The following ZNF718 variants were observed in gnomAD, a reference collection of about 807,000 sequenced individuals.
The protein encoded by ZNF718 is zinc finger protein 718.
Under a neutral mutation model 2.6 loss-of-function variants are expected in ZNF718, and 3 were observed. The observed-to-expected ratio is 1.16, with a 90% CI of 0.53 to 3.01. The LOEUF (loss-of-function observed/expected upper bound fraction) is 3.01, where lower values mean the gene tolerates loss of function less well. Among genes scored for constraint, ZNF718 ranks in the 30% most tolerant of loss-of-function variants. ZNF718 has a pLI of 0.03. For missense variants in ZNF718, 468 were observed against 230.0 expected (o/e 2.03, Z -6.69); for synonymous variants, 135 against 77.9 (o/e 1.73, Z -3.86).
At chr4:202,244 A>G (rs1553822883) in exon 5 of ZNF718, 1 of 152,196 alleles carries the variant, frequency 6.6e-6, no homozygotes, top group East Asian at 1.9e-4. Flanking sequence ...TTCTGACATG[A>G]TTGAGAGGCC....
rs1438661889 is a variant in ZNF718 at position 160,982 on chromosome 4, A to G, written c.297A>G (p.Ile99Met). The G allele has an allele frequency of 5.1e-6, 4 of 780,900 alleles. No individual in the cohort carries two copies. In the Admixed American group the frequency reaches 6.8e-5, roughly 13 times the overall value. 48.4% of individuals were successfully genotyped at this position (780,900 alleles called of 1,614,324 possible). A position where few individuals can be genotyped will look rare whatever the true frequency, so the allele number is the denominator to read the frequency against. Residue 99 changes from isoleucine to methionine, a missense_variant, in exon 4 of 4, where the codon ATA (isoleucine) becomes ATG (methionine). Ile to Met is a conservative substitution (Grantham distance 10). Transcript: ENST00000510175. ...QGIEDSFHKL[I>M]PKGHEKRGHE... is the part of the protein sequence containing the mutation. ...TAGAAGATTCATTCCACAAACTTAT[A>G]CCAAAAGGACATGAGAAACGTGGAC...
intron 3 of ZNF718, among the ~76,000 whole-genome samples, chr4:193,168 A>G (rs532006073): frequency 2.0e-5 from 3 of 152,180 alleles, no homozygotes; most frequent in East Asian, 1.9e-4. Flanking sequence ...GGGTCCTTCT[A>G]TAAGTATTTC....
chr4:174,321 C>A (rs1480173515), intron 3 of ZNF718, among the ~76,000 whole-genome samples: 1 of 152,134 alleles, frequency 6.6e-6, no homozygotes, highest in Non-Finnish European at 1.5e-5. Flanking sequence ...AACAACCTCC[C>A]CATCCTGCAA....
intron 3 of ZNF718, among the ~76,000 whole-genome samples, chr4:184,318 T>TGGTTTA (rs1717523274): frequency 1.3e-5 from 2 of 152,132 alleles, no homozygotes; most frequent in African/African-American, 4.8e-5. Flanking sequence ...ATATATCGAT[T>TGGTTTA]TGTGTATGTT....
At chr4:151,359 G>A (rs1716313983) in intron 3 of ZNF718, among the ~76,000 whole-genome samples, 1 of 152,100 alleles carries the variant, frequency 6.6e-6, no homozygotes, top group African/African-American at 2.4e-5. Flanking sequence ...GCCCAGTTTG[G>A]CCTCCCAAAG....
downstream of ZNF718, among the ~76,000 whole-genome samples, chr4:165,578 A>T (rs189729152): frequency 1.7e-3 from 261 of 152,248 alleles, no homozygotes; most frequent in African/African-American, 5.8e-3. Flanking sequence ...GTGGGTGGAT[A>T]ACCTGAGGTC....
intron 3 of ZNF718, among the ~76,000 whole-genome samples, chr4:145,795 C>CTTTAT (rs1245014187): frequency 1.3e-5 from 2 of 151,970 alleles, no homozygotes; most frequent in Non-Finnish European, 2.9e-5. Flanking sequence ...TTTGTGAGAT[C>CTTTAT]TTTATTTTAT....
chr4:174,127 TGCCCTAGGG>T (rs1282440744), intron 3 of ZNF718, among the ~76,000 whole-genome samples: 1 of 152,152 alleles, frequency 6.6e-6, no homozygotes, highest in Non-Finnish European at 1.5e-5. Context: ...CCTCACCCTT[TGCCCTAGGG>T]TAAGGACAGC....
intron 1 of ZNF718, 44 bp downstream of exon 1, chr4:124,717 T>C: frequency 6.2e-7 from 1 of 1,605,832 alleles, no homozygotes; most frequent in East Asian, 2.2e-5. Context: ...GGAGGCCTCA[T>C]CGGAACCGGC....
chr4:175,909 T>G (rs1217051852), intron 3 of ZNF718, among the ~76,000 whole-genome samples: 1 of 139,612 alleles, frequency 7.2e-6, no homozygotes, highest in Non-Finnish European at 1.5e-5. Context: ...CAGGCTGGAG[T>G]GCAGTGGCGC....
At chr4:196,892 C>G (rs569357835) in intron 3 of ZNF718, among the ~76,000 whole-genome samples, 1 of 151,820 alleles carries the variant, frequency 6.6e-6, no homozygotes, top group East Asian at 2.0e-4. Flanking sequence ...AAGGATAGGA[C>G]AGAATAGCAA....
intron 3 of ZNF718, among the ~76,000 whole-genome samples, chr4:183,005 T>G (rs1438633370): frequency 1.3e-5 from 2 of 152,174 alleles, no homozygotes; most frequent in African/African-American, 2.4e-5. Flanking sequence ...TTAGTTTAAT[T>G]AGATCTCATT....
intron 3 of ZNF718, chr4:141,916 A>G: frequency 2.5e-6 from 1 of 407,956 alleles, no homozygotes; most frequent in East Asian, 6.6e-5. Context: ...TTTTCAATGC[A>G]TGTTTTCTGT....
At chr4:159,026 TTTTTTTC>T (rs782046563) in intron 3 of ZNF718, among the ~76,000 whole-genome samples, 12 of 150,710 alleles carry the variant, frequency 8.0e-5, no homozygotes, top group Non-Finnish European at 7.4e-5. Context: ...GGAGCTATTC[TTTTTTTC>T]TTTTTTCTTT....
At chr4:134,321 T>G (rs1373981174) in intron 3 of ZNF718, among the ~76,000 whole-genome samples, 2 of 152,170 alleles carry the variant, frequency 1.3e-5, no homozygotes, top group East Asian at 3.9e-4. Flanking sequence ...TAATTTTTTG[T>G]ATTTTTAGTA....
intron 3 of ZNF718, among the ~76,000 whole-genome samples, chr4:133,591 TCTTA>T (rs1350174433): frequency 2.6e-5 from 4 of 152,316 alleles, no homozygotes; most frequent in African/African-American, 9.6e-5. Context: ...TATAATAAAT[TCTTA>T]CTTAACTTTG....
At chr4:178,082 A>G (rs1469116068) in intron 3 of ZNF718, among the ~76,000 whole-genome samples, 4 of 152,154 alleles carry the variant, frequency 2.6e-5, no homozygotes, top group African/African-American at 7.2e-5. Flanking sequence ...GCTGACATGT[A>G]TACATCTTTG....
intron 3 of ZNF718, among the ~76,000 whole-genome samples, chr4:148,904 T>A (rs1445235056): frequency 6.6e-6 from 1 of 152,140 alleles, no homozygotes; most frequent in African/African-American, 2.4e-5. Flanking sequence ...ACAGTGAGAA[T>A]TATTCATATT....
downstream of ZNF718, among the ~76,000 whole-genome samples, chr4:164,212 T>A (rs1326787825): frequency 6.6e-6 from 1 of 152,140 alleles, no homozygotes; most frequent in African/African-American, 2.4e-5. Context: ...TACAGACTTC[T>A]AGTTTTGATT....
Sources: allele counts gnomAD v4.1 joint callset (sites outside exome capture counted in the v4.1 genomes callset), GRCh38; gene constraint gnomAD v4.1.1; transcripts MANE v1.5; gene names NCBI Gene and HGNC (gene_info 2026-07-23, HGNC 2026-07-21).